The following THAP12 variants were observed in gnomAD, a reference collection of about 807,000 sequenced individuals.
THAP12 encodes 52 kDa repressor of the inhibitor of the protein kinase.
In THAP12, 20 loss-of-function variants were observed where a neutral mutation model predicts 63.0. The ratio of observed to expected loss-of-function variants is 0.32; its 90% CI spans 0.22 to 0.46. The LOEUF is 0.46. Among genes scored for constraint, THAP12 ranks in the 20% least tolerant of loss-of-function variants. The pLI, the probability that THAP12 is intolerant of heterozygous loss-of-function variation, is 1.00. For missense variants in THAP12, 568 were observed against 908.2 expected (o/e 0.63, Z 4.81); for synonymous variants, 264 against 328.4 (o/e 0.80, Z 2.12).
In THAP12 at chr11:76,380,631, GCTGCGCCCGCCTC is replaced by G. The variant is rs894874707; in HGVS notation, c.89+104_89+116del. The G allele has an allele frequency of 9.2e-6, 7 of 761,530 alleles. No individual in the cohort carries two copies. The South Asian group carries it at 1.9e-4, about 20-fold the overall frequency. 47.2% of individuals were successfully genotyped at this position (761,530 alleles called of 1,614,324 possible). A position where few individuals can be genotyped will look rare whatever the true frequency, so the allele number is the denominator to read the frequency against. ...CCAACGCTGGGGTCGACGGCAGTGC[GCTGCGCCCGCCTC>G]CTGCGCCCCTCTCAGCCAGCCCGGG... On this transcript the variant is annotated intron_variant, in intron 1 of 4. Transcript: ENST00000260045.
intron 3 of THAP12, chr11:76,357,650 C>T (rs1456774969): frequency 6.6e-6 from 1 of 152,120 alleles, no homozygotes; most frequent in African/African-American, 2.4e-5. Flanking sequence ...GAATCAACAT[C>T]ACATAGACTA....
chr11:76,372,510 A>G (rs1946681694), intron 1 of THAP12, among the ~76,000 whole-genome samples: 1 of 151,204 alleles, frequency 6.6e-6, no homozygotes, highest in Non-Finnish European at 1.5e-5. Context: ...CCTGGGTTTA[A>G]GCCATCCTCC....
At chr11:76,369,444 C>T (rs1291936352) in intron 1 of THAP12, among the ~76,000 whole-genome samples, 1 of 152,238 alleles carries the variant, frequency 6.6e-6, no homozygotes, top group East Asian at 1.9e-4. Context: ...AAAACTCATT[C>T]ATAGTGATTG....
intron 2 of THAP12, among the ~76,000 whole-genome samples, chr11:76,365,356 AGTTTTGTTTT>A (rs201045167): frequency 2.7e-5 from 4 of 150,820 alleles, no homozygotes; most frequent in South Asian, 2.1e-4. Flanking sequence ...GGAACCGAAG[AGTTTTGTTTT>A]GTTTTGTTTT....
Position 76,352,378 on chromosome 11 carries a change from G to C in THAP12, c.772C>G (p.His258Asp), listed in dbSNP as rs781703372. Residue 258 changes from histidine to aspartate, a missense_variant, in exon 5 of 5, where the codon CAC becomes GAC. Transcript: ENST00000260045. Reference protein sequence around the residue: ...EETLREVRDSHFFSIITDDVV... With the variant: ...EETLREVRDSDFFSIITDDVV... ...TCGTCAGTGATAATGGAAAAGAAGTGTGAGTCTCTCACTTCCCTGAGAGTT... is the reference window on the plus strand; with the variant it reads ...TCGTCAGTGATAATGGAAAAGAAGTCTGAGTCTCTCACTTCCCTGAGAGTT... The C allele has an allele frequency of 2.5e-6, 4 of 1,612,032 alleles. No homozygotes were observed. The highest frequency in any genetic ancestry group is 4.5e-5 in the East Asian group (2 of 44,892).
intron 1 of THAP12, among the ~76,000 whole-genome samples, chr11:76,377,504 A>G (rs1946719300): frequency 6.6e-6 from 1 of 152,230 alleles, no homozygotes; most frequent in African/African-American, 2.4e-5. Flanking sequence ...CATACAACAT[A>G]TAAGCTTTTG....
chr11:76,351,807 A>G lies in THAP12; in HGVS notation c.1343T>C (p.Leu448Ser). ...ATTTGTGTCACTATTTATACCATCT[A>G]AACATAAAACAAGTGCTTGCAGGAG... ...VELLQALVLC[L>S]DGINSDTNIR... is the part of the protein sequence containing the mutation. The change falls in exon 5 of 5, where the codon TTA (leucine) becomes TCA (serine). Residue 448 changes from leucine (L) to serine (S), a missense_variant. By Grantham distance (145) the Leu-to-Ser change is moderately radical. Transcript: ENST00000260045. The G allele has an allele frequency of 6.2e-7, 1 of 1,607,762 alleles. No individual in the cohort carries two copies. The highest frequency in any genetic ancestry group is 8.5e-7 in the Non-Finnish European group (1 of 1,177,454).
chr11:76,377,533 T>G (rs1025299336), intron 1 of THAP12, among the ~76,000 whole-genome samples: 1 of 152,218 alleles, frequency 6.6e-6, no homozygotes, highest in South Asian at 2.1e-4. Flanking sequence ...TTCTTTCACT[T>G]AGCATAATGT....
chr11:76,358,462 C>G (rs1378249235), intron 3 of THAP12: 2 of 152,120 alleles, frequency 1.3e-5, no homozygotes, highest in Non-Finnish European at 1.5e-5. Flanking sequence ...AAAAAATGAA[C>G]TTGTCTATTA....
At chr11:76,372,023 G>C (rs1946678059) in intron 1 of THAP12, among the ~76,000 whole-genome samples, 1 of 151,972 alleles carries the variant, frequency 6.6e-6, no homozygotes, top group African/African-American at 2.4e-5. Context: ...ATGTTGGCCA[G>C]GCTGGTCTCG....
At chr11:76,359,496 C>T (rs1278757160) in intron 3 of THAP12, 2 of 151,948 alleles carry the variant, frequency 1.3e-5, no homozygotes, top group Non-Finnish European at 2.9e-5. Context: ...TAATGAAAAT[C>T]CCAAAAGAAG....
rs188482403 is a variant in THAP12 at position 76,351,011 on chromosome 11, T to C, written c.2139A>G (p.Thr713=). The C allele has an allele frequency of 1.9e-6, 3 of 1,611,916 alleles. No individual in the cohort carries two copies. Among genetic ancestry groups the C allele is most frequent in the Non-Finnish European group, 2.5e-6 (3 of 1,179,786 alleles). Residue 713 remains threonine (T), a synonymous_variant, in exon 5 of 5, where the codon ACA becomes ACG. Transcript: ENST00000260045. ...RLKAYLRNTL[T]DQRSSNLALL... is the part of the protein sequence containing the mutation. The stretch of plus-strand genomic sequence containing the variant: ...AAGCCAAGTTACTTGACCTTTGGTC[T>C]GTCAAAGTGTTCCTCAAATATGCTT...
intron 1 of THAP12, among the ~76,000 whole-genome samples, chr11:76,377,958 T>C (rs1216774392): frequency 3.3e-5 from 5 of 152,220 alleles, no homozygotes; most frequent in Non-Finnish European, 5.9e-5. Flanking sequence ...AAGAGTTCTT[T>C]ATATATTCTG....
chr11:76,355,585 T>C (rs370729658), intron 4 of THAP12, 33 bp downstream of exon 4: 3 of 1,567,958 alleles, frequency 1.9e-6, no homozygotes, highest in Non-Finnish European at 2.6e-6. Context: ...TTAAAAGGCA[T>C]TCAGAAGTTG....
At chr11:76,359,414 CTAACAGTAATACTAAACTAGTAATAAA>C (rs1375138961) in intron 3 of THAP12, 1 of 151,978 alleles carries the variant, frequency 6.6e-6, no homozygotes, top group Non-Finnish European at 1.5e-5. Context: ...TATTCGTTTA[CTAACAGTAATACTAAACTAGTAATAAA>C]TTTACAATAG....
chr11:76,365,417 C>T (rs958540891), intron 2 of THAP12, among the ~76,000 whole-genome samples: 1 of 152,092 alleles, frequency 6.6e-6, no homozygotes, highest in Admixed American at 6.5e-5. Flanking sequence ...CAAGCGCTCA[C>T]TCTGTCGCCC....
At chr11:76,368,926 C>G (rs1226962671) in intron 1 of THAP12, among the ~76,000 whole-genome samples, 2 of 152,162 alleles carry the variant, frequency 1.3e-5, no homozygotes, top group Admixed American at 6.6e-5. Context: ...AAGTTAATAA[C>G]TTTTCTTCAT....
chr11:76,373,343 CAAA>C (rs202157534), intron 1 of THAP12, among the ~76,000 whole-genome samples: 8 of 62,378 alleles, frequency 1.3e-4, no homozygotes, highest in Admixed American at 1.8e-4. Context: ...GACACTGTCT[CAAA>C]AAAAAAAAAA....
chr11:76,368,750 T>C (rs1946649345), intron 1 of THAP12: 1 of 152,078 alleles, frequency 6.6e-6, no homozygotes, highest in South Asian at 2.1e-4. Flanking sequence ...TTGTACACCA[T>C]ACACAAAAAT....
Sources: allele counts gnomAD v4.1 joint callset (sites outside exome capture counted in the v4.1 genomes callset), GRCh38; gene constraint gnomAD v4.1.1; transcripts MANE v1.5; gene names NCBI Gene and HGNC (gene_info 2026-07-23, HGNC 2026-07-21).